Variants in IGF1 observed in about 807,000 individuals in gnomAD.
The protein encoded by IGF1 is insulin like growth factor 1, also known as insulin-like growth factor 1.
Under a neutral mutation model 13.8 loss-of-function variants are expected in IGF1, and 4 were observed. That is an observed-to-expected ratio of 0.29 (90% CI 0.14 to 0.66). The LOEUF is 0.66. Among genes scored for constraint, IGF1 ranks in the 30% least tolerant of loss-of-function variants. The probability of loss-of-function intolerance (pLI) is 0.78; values close to 1 mark genes in which losing one functional copy is unlikely to be tolerated. For missense variants in IGF1, 124 were observed against 188.5 expected, an observed-to-expected ratio of 0.66 and a Z score of 2.00; for synonymous variants, 76 against 72.6, an observed-to-expected ratio of 1.05 and a Z score of -0.23.
chr12:102,451,619 A>G (rs1217577413), intron 2 of IGF1, among the ~76,000 whole-genome samples: 1 of 152,220 alleles, frequency 6.6e-6, no homozygotes, highest in East Asian at 1.9e-4. Context: ...CTTGAGGAAT[A>G]TACTGTATAG....
chr12:102,438,717 G>A (rs891707359), intron 2 of IGF1, among the ~76,000 whole-genome samples: 3 of 152,208 alleles, frequency 2.0e-5, no homozygotes, highest in South Asian at 2.1e-4. Context: ...ATTATAAACC[G>A]TGAACACCCC....
At chr12:102,432,556 A>G (rs1186179120) in intron 2 of IGF1, among the ~76,000 whole-genome samples, 2 of 152,250 alleles carry the variant, frequency 1.3e-5, no homozygotes, top group African/African-American at 4.8e-5. Flanking sequence ...GAAAAGAGAC[A>G]GCCAAGGTGG....
chr12:102,400,037 T>G lies in IGF1; in HGVS notation c.*2470A>C, dbSNP rs1050172496. The G allele has an allele frequency of 6.6e-6, 1 of 152,076 alleles. No homozygotes were observed. The highest frequency in any genetic ancestry group is 2.4e-5 in the African/African-American group (1 of 41,434). 9.4% of individuals were successfully genotyped at this position (152,076 alleles called of 1,614,324 possible). ...TTGAGGTGCTCAATTCAAATAATGTTGGACTGAGAGTTAAAATACTTGTTG... is the reference window on the plus strand; with the variant it reads ...TTGAGGTGCTCAATTCAAATAATGTGGGACTGAGAGTTAAAATACTTGTTG... On this transcript the variant is annotated 3_prime_UTR_variant, in exon 4 of 4. Transcript: ENST00000337514.
At chr12:102,424,713 C>T (rs1876043391) in intron 2 of IGF1, among the ~76,000 whole-genome samples, 2 of 152,078 alleles carry the variant, frequency 1.3e-5, no homozygotes, top group Admixed American at 1.3e-4. Flanking sequence ...CCAATATTTC[C>T]TACATCTCTG....
intron 3 of IGF1, among the ~76,000 whole-genome samples, chr12:102,405,964 G>A (rs946707859): frequency 6.6e-6 from 1 of 152,246 alleles, no homozygotes; most frequent in African/African-American, 2.4e-5. Context: ...GGTATAAAGT[G>A]TAAAGTCTGA....
At chr12:102,444,075 C>T (rs1878097193) in intron 2 of IGF1, among the ~76,000 whole-genome samples, 1 of 151,838 alleles carries the variant, frequency 6.6e-6, no homozygotes, top group Non-Finnish European at 1.5e-5. Flanking sequence ...GATCCGCCTG[C>T]CTCAGCCTCT....
chr12:102,449,370 G>T (rs1346507580), intron 2 of IGF1, among the ~76,000 whole-genome samples: 1 of 132,038 alleles, frequency 7.6e-6, no homozygotes, highest in Non-Finnish European at 1.6e-5. Context: ...ACAGGGAGGG[G>T]AACATCACAC....
At position 102,476,410 on chromosome 12, in the gene IGF1, TGAGAGAGA is replaced by T. The variant is rs36047405; in HGVS notation, c.64-619_64-612del. Among the ~76,000 whole-genome samples the T allele has an allele frequency of 6.3e-3, 873 of 139,126 alleles. 8 individuals carry two copies. Among genetic ancestry groups the T allele is most frequent in the African/African-American group, 0.02 (775 of 38,144 alleles). 91.3% of individuals were successfully genotyped at this position (139,126 alleles called of 152,430 possible). On this transcript the variant is annotated intron_variant, in intron 1 of 3. Coordinates refer to ENST00000337514, the MANE Select transcript of IGF1 (RefSeq NM_000618.5). ...TTGTTTTTGTTTTGTTTCCTCAATA[TGAGAGAGA>T]GAGAGAGAGAGAGAGAGAGAGAGAG...
At chr12:102,474,766 A>T (rs757063419) in intron 2 of IGF1, among the ~76,000 whole-genome samples, 7 of 152,220 alleles carry the variant, frequency 4.6e-5, no homozygotes, top group Non-Finnish European at 1.0e-4. Context: ...TCTCTGTCCT[A>T]TAATATACAG....
chr12:102,407,094 CAAAAAAAAAA>C (rs57468885), intron 3 of IGF1, among the ~76,000 whole-genome samples: 3 of 100,984 alleles, frequency 3.0e-5, no homozygotes, highest in Non-Finnish European at 5.7e-5. Flanking sequence ...ACTCTGTCTC[CAAAAAAAAAA>C]AAAAAAAAAA....
chr12:102,425,170 T>C (rs1876090861), intron 2 of IGF1, among the ~76,000 whole-genome samples: 1 of 152,230 alleles, frequency 6.6e-6, no homozygotes, highest in Non-Finnish European at 1.5e-5. Context: ...TATACTTTGC[T>C]AGGAGACCCT....
intron 2 of IGF1, among the ~76,000 whole-genome samples, chr12:102,469,822 C>A (rs1880576912): frequency 6.6e-6 from 1 of 152,046 alleles, no homozygotes; most frequent in Non-Finnish European, 1.5e-5. Flanking sequence ...AAGCAATAAT[C>A]TTTGCCCACC....
chr12:102,448,356 G>A (rs1878546482), intron 2 of IGF1, among the ~76,000 whole-genome samples: 1 of 150,056 alleles, frequency 6.7e-6, no homozygotes, highest in Non-Finnish European at 1.5e-5. Context: ...ATACTATGCA[G>A]CCATAAAAAA....
At chr12:102,469,932 A>C (rs919272918) in intron 2 of IGF1, among the ~76,000 whole-genome samples, 7 of 152,112 alleles carry the variant, frequency 4.6e-5, no homozygotes, top group Admixed American at 3.9e-4. Context: ...ATTATTACTA[A>C]TACTACTACA....
Position 102,475,625 on chromosome 12 carries a change from A to G in IGF1, c.220+18T>C. On this transcript the variant is annotated intron_variant, in intron 2 of 3. Transcript: ENST00000337514. ...CACTTTAGACTTGAGCAGCACATTG[A>G]GAGGGAGGGCTACTTACTGAAATAA... is the stretch of plus-strand genomic sequence containing the variant. The G allele has an allele frequency of 6.2e-7, 1 of 1,613,842 alleles. No individual in the cohort carries two copies. The highest frequency in any genetic ancestry group is 1.3e-5 in the African/African-American group (1 of 75,044).
intron 3 of IGF1, among the ~76,000 whole-genome samples, chr12:102,406,177 C>G (rs1874137177): frequency 6.6e-6 from 1 of 152,228 alleles, no homozygotes; most frequent in African/African-American, 2.4e-5. Context: ...TCACATGTGA[C>G]TTCTTTGTTG....
rs1358485475 is a variant in IGF1, at chr12:102,476,370, T to C, written c.64-571A>G. On this transcript the variant is annotated intron_variant, in intron 1 of 3. Transcript: ENST00000337514. ...AAAAATGGCTTTTGACAATACTATA[T>C]ATCATCACAGGGTTTTGTTTTTGTT... Among the ~76,000 whole-genome samples, 3 of 151,864 alleles carry C rather than the reference T, an allele frequency of 2.0e-5. No individual in the cohort carries two copies. The South Asian group carries it at 6.2e-4, about 32-fold the overall frequency.
intron 2 of IGF1, among the ~76,000 whole-genome samples, chr12:102,421,418 C>CT (rs1295310330): frequency 2.0e-5 from 3 of 152,100 alleles, no homozygotes; most frequent in African/African-American, 7.2e-5. Flanking sequence ...CACAAATGGG[C>CT]TTACACTGTC....
intron 2 of IGF1, among the ~76,000 whole-genome samples, chr12:102,448,367 T>G (rs1236169549): frequency 2.0e-5 from 3 of 149,468 alleles, no homozygotes; most frequent in East Asian, 2.0e-4. Flanking sequence ...CCATAAAAAA[T>G]GATGAGTTCA....
Sources: allele counts gnomAD v4.1 joint callset (sites outside exome capture counted in the v4.1 genomes callset), GRCh38; gene constraint gnomAD v4.1.1; transcripts MANE v1.5; gene names NCBI Gene and HGNC (gene_info 2026-07-23, HGNC 2026-07-21).